The following IGF1R variants were observed in gnomAD, a reference collection of about 807,000 sequenced individuals.
IGF1R encodes the protein insulin-like growth factor 1 receptor.
IGF1R carries 44 observed loss-of-function variants against 144.6 expected under a neutral mutation model. The ratio of observed to expected loss-of-function variants is 0.30; its 90% CI spans 0.24 to 0.39. IGF1R has a LOEUF of 0.39. Ranked by LOEUF, IGF1R falls within the 10% of genes least tolerant of loss-of-function variation. The probability of loss-of-function intolerance (pLI) is 1.00; values close to 1 mark genes in which losing one functional copy is unlikely to be tolerated. For missense variants in IGF1R, 1,355 were observed against 1,833.7 expected (o/e 0.74, Z 4.77); for synonymous variants, 795 against 722.8 (o/e 1.10, Z -1.60).
rs907960908 is a variant in IGF1R, at chr15:98,847,481, C to T, written c.641-43844C>T. Among the ~76,000 whole-genome samples the T allele has an allele frequency of 4.6e-5, 7 of 152,226 alleles. No homozygotes were observed. The East Asian group carries it at 7.7e-4, about 17-fold the overall frequency. On this transcript the variant is annotated intron_variant, in intron 2 of 20. Transcript: ENST00000650285. ...GAATCTGCTTTCTACCACTTACTTACATCAGGTTTTCCTTGTCTATAAAAT... is the reference window on the plus strand; with the variant it reads ...GAATCTGCTTTCTACCACTTACTTATATCAGGTTTTCCTTGTCTATAAAAT...
chr15:98,794,960 G>A (rs1270132217), intron 2 of IGF1R, among the ~76,000 whole-genome samples: 1 of 152,154 alleles, frequency 6.6e-6, no homozygotes, highest in Non-Finnish European at 1.5e-5. Context: ...AGCCTTCCCA[G>A]CTTTGATTGC....
chr15:98,890,170 C>T (rs1207053982), intron 2 of IGF1R, among the ~76,000 whole-genome samples: 2 of 152,180 alleles, frequency 1.3e-5, no homozygotes, highest in South Asian at 2.1e-4. Context: ...TTGTCAGAGG[C>T]ATTGAAACCA....
chr15:98,800,743 T>C (rs781123194), intron 2 of IGF1R, among the ~76,000 whole-genome samples: 1 of 152,170 alleles, frequency 6.6e-6, no homozygotes, highest in Non-Finnish European at 1.5e-5. Flanking sequence ...TCCCTCTGTC[T>C]TGGAAAACAC....
intron 2 of IGF1R, among the ~76,000 whole-genome samples, chr15:98,751,334 G>A (rs1053909015): frequency 3.3e-5 from 5 of 151,918 alleles, no homozygotes; most frequent in Non-Finnish European, 7.4e-5. Flanking sequence ...TGATTAACTA[G>A]GATTACAGGT....
chr15:98,656,410 G>A (rs982036097), intron 1 of IGF1R, among the ~76,000 whole-genome samples: 6 of 152,188 alleles, frequency 3.9e-5, no homozygotes, highest in Non-Finnish European at 7.3e-5. Context: ...TTAACCGGGC[G>A]TGGTGGCCCG....
chr15:98,783,631 A>G (rs1165987910), intron 2 of IGF1R, among the ~76,000 whole-genome samples: 1 of 152,234 alleles, frequency 6.6e-6, no homozygotes, highest in African/African-American at 2.4e-5. Context: ...ATGTTTTGGT[A>G]GAGTTACACC....
chr15:98,770,068 C>T (rs956517093), intron 2 of IGF1R, among the ~76,000 whole-genome samples: 16 of 152,176 alleles, frequency 1.1e-4, no homozygotes, highest in African/African-American at 3.6e-4. Context: ...CCTCTCAAGT[C>T]TCTTCCCCTC....
intron 5 of IGF1R, chr15:98,900,802 A>C (rs1448763867): frequency 6.7e-6 from 1 of 148,988 alleles, no homozygotes; most frequent in East Asian, 2.0e-4. Context: ...TTTAAAATGA[A>C]TTTTTCTCCG....
intron 1 of IGF1R, among the ~76,000 whole-genome samples, chr15:98,663,300 C>T (rs2052644166): frequency 6.6e-6 from 1 of 152,052 alleles, no homozygotes; most frequent in African/African-American, 2.4e-5. Flanking sequence ...GGCGGTAGCA[C>T]AGGGCAGCTC....
rs2017301891 is a variant in IGF1R, at chr15:98,963,338, A to G, written c.*5896A>G. ...CCCCCCATGCTTTTTGCCCTAGTTT[A>G]TAACAAAGGAATGATGATGATTTAA... On this transcript the variant is annotated 3_prime_UTR_variant, in exon 21 of 21. Coordinates refer to ENST00000650285, the MANE Select transcript of IGF1R (RefSeq NM_000875.5). 4.3e-6 allele frequency: 1 copy of G among 233,000 alleles called. No homozygotes were observed. The highest frequency in any genetic ancestry group is 1.8e-4 in the South Asian group (1 of 5,526). 14.4% of individuals were successfully genotyped at this position (233,000 alleles called of 1,614,324 possible). A position where few individuals can be genotyped will look rare whatever the true frequency, so the allele number is the denominator to read the frequency against.
intron 2 of IGF1R, among the ~76,000 whole-genome samples, chr15:98,717,760 T>C (rs2054153939): frequency 6.6e-6 from 1 of 152,216 alleles, no homozygotes; most frequent in Admixed American, 6.5e-5. Context: ...TTAAATACCA[T>C]ATTTTTTAAA....
At chr15:98,717,622 G>A (rs548246569) in intron 2 of IGF1R, among the ~76,000 whole-genome samples, 1 of 152,284 alleles carries the variant, frequency 6.6e-6, no homozygotes, top group Non-Finnish European at 1.5e-5. Context: ...TGCCAGTGGA[G>A]TCACCCTAGT....
intron 10 of IGF1R, among the ~76,000 whole-genome samples, chr15:98,920,504 A>C (rs956689997): frequency 6.6e-6 from 1 of 152,188 alleles, no homozygotes; most frequent in Non-Finnish European, 1.5e-5. Flanking sequence ...ACACAAGTGT[A>C]TGTTGTGTTG....
At chr15:98,859,124 C>T (rs780061849) in intron 2 of IGF1R, among the ~76,000 whole-genome samples, 2 of 151,220 alleles carry the variant, frequency 1.3e-5, no homozygotes, top group Non-Finnish European at 2.9e-5. Context: ...TTTAGAAACA[C>T]ATCCAGTTTG....
At chr15:98,865,003 G>A (rs1385179840) in intron 2 of IGF1R, among the ~76,000 whole-genome samples, 18 of 152,172 alleles carry the variant, frequency 1.2e-4, no homozygotes. Flanking sequence ...TTAGGAGTCT[G>A]AAATGTAGCT....
chr15:98,741,692 A>G (rs1305114780), intron 2 of IGF1R, among the ~76,000 whole-genome samples: 1 of 152,192 alleles, frequency 6.6e-6, no homozygotes, highest in African/African-American at 2.4e-5. Flanking sequence ...TTTGCAAACT[A>G]GAGAGTCTTG....
At chr15:98,666,739 G>C (rs1181600597) in intron 1 of IGF1R, among the ~76,000 whole-genome samples, 2 of 152,266 alleles carry the variant, frequency 1.3e-5, no homozygotes, top group East Asian at 1.9e-4. Context: ...ATAGAGGCTG[G>C]GGGGAGGGAG....
rs752717839 is a variant in IGF1R, at chr15:98,934,991, C to T, written c.3124C>T (p.Arg1042Cys). Residue 1042 changes from arginine (R) to cysteine (C), a missense_variant, in exon 16 of 21, where the codon CGT becomes TGT. This residue lies in a region of IGF1R where 880 missense variants were observed against 1,202.7 expected (regional missense o/e 0.73). Coordinates refer to ENST00000650285, the MANE Select transcript of IGF1R (RefSeq NM_000875.5). ...AACAGTGAACGAGGCCGCAAGCATGCGTGAGAGGATTGAGTTTCTCAACGA... is the reference window on the plus strand; with the variant it reads ...AACAGTGAACGAGGCCGCAAGCATGTGTGAGAGGATTGAGTTTCTCAACGA... ...IKTVNEAASM[R>C]ERIEFLNEAS... The T allele has an allele frequency of 1.9e-6, 3 of 1,614,074 alleles. No homozygotes were observed. Among genetic ancestry groups the T allele is most frequent in the South Asian group, 1.1e-5 (1 of 91,078 alleles).
intron 10 of IGF1R, among the ~76,000 whole-genome samples, chr15:98,917,867 C>T (rs2715425): frequency 0.15 from 23,275 of 151,994 alleles, 2,355 homozygotes; most frequent in Non-Finnish European, 0.23. Context: ...ATTCCATAAT[C>T]GATAGGTTTT....
Sources: gnomAD v4.1 joint callset for allele counts (sites outside exome capture counted in the v4.1 genomes callset) on GRCh38, gnomAD v4.1.1 for gene constraint, gnomAD v4.1.1 regional missense constraint, MANE v1.5 for transcripts, NCBI Gene and HGNC (gene_info 2026-07-23, HGNC 2026-07-21) for gene names.